OLA1: variants seen among roughly 807,000 people sequenced by gnomAD.
OLA1 encodes the protein Obg like ATPase 1.
A neutral mutation model predicts 48.4 loss-of-function variants in OLA1; 14 were observed. That is an observed-to-expected ratio of 0.29 (90% confidence interval 0.19 to 0.45). OLA1 has a LOEUF of 0.45. Ranked by LOEUF, OLA1 falls within the 20% of genes least tolerant of loss-of-function variation. The probability of loss-of-function intolerance (pLI) is 1.00; values close to 1 mark genes in which losing one functional copy is unlikely to be tolerated. For synonymous variants in OLA1, 127 were observed against 150.4 expected, an observed-to-expected ratio of 0.84 and a Z score of 1.14; for missense variants, 325 against 467.1, an observed-to-expected ratio of 0.70 and a Z score of 2.80.
chr2:174,188,152 T>C (rs1000047476), intron 4 of OLA1, among the ~76,000 whole-genome samples: 4 of 152,134 alleles, frequency 2.6e-5, no homozygotes, highest in African/African-American at 9.7e-5. Flanking sequence ...AAATGTGTGA[T>C]GGGCTTATAG....
At chr2:174,240,095 T>C (rs1341777204) in intron 2 of OLA1, 1 of 152,156 alleles carries the variant, frequency 6.6e-6, no homozygotes, top group African/African-American at 2.4e-5. Context: ...TTTGCAACTG[T>C]GAGTTTTTTT....
At chr2:174,228,535 T>C (rs1453070186) in intron 3 of OLA1, among the ~76,000 whole-genome samples, 1 of 152,176 alleles carries the variant, frequency 6.6e-6, no homozygotes, top group East Asian at 1.9e-4. Context: ...TTCCCTACTG[T>C]CTGAACTTCC....
At chr2:174,244,428 T>C (rs1333210627) in intron 2 of OLA1, among the ~76,000 whole-genome samples, 1 of 152,206 alleles carries the variant, frequency 6.6e-6, no homozygotes, top group Non-Finnish European at 1.5e-5. Flanking sequence ...TCCACGTACA[T>C]TAATTTCATT....
intron 7 of OLA1, among the ~76,000 whole-genome samples, chr2:174,096,303 C>T (rs1185567655): frequency 1.3e-5 from 2 of 152,084 alleles, no homozygotes; most frequent in Non-Finnish European, 2.9e-5. Flanking sequence ...TGTTAATAGG[C>T]ATGGGTTTCA....
chr2:174,155,855 G>A lies in OLA1; in HGVS notation c.374-13855C>T, dbSNP rs1335159993. Among the ~76,000 whole-genome samples the A allele has an allele frequency of 3.3e-5, 5 of 152,228 alleles. No individual in the cohort carries two copies. In the East Asian group the frequency reaches 5.8e-4, roughly 18 times the overall value. On this transcript the variant is annotated intron_variant, in intron 4 of 10. Transcript: ENST00000284719. ...CAGGGACAGATATTTGCAAAGGGAC[G>A]CAGAGAGTAAAGAAGAAATTCCAGC...
chr2:174,081,068 A>G, intron 9 of OLA1, 84 bp downstream of exon 9: 2 of 1,165,082 alleles, frequency 1.7e-6, no homozygotes, highest in Non-Finnish European at 2.6e-6. Flanking sequence ...AACCGCCACC[A>G]TGACAAACTT....
chr2:174,177,977 G>C (rs755959489), intron 4 of OLA1, among the ~76,000 whole-genome samples: 40 of 151,968 alleles, frequency 2.6e-4, no homozygotes, highest in Non-Finnish European at 5.0e-4. Context: ...TTTACAAAAA[G>C]TTGTTGACTT....
At chr2:174,104,719 A>G (rs770103774) in intron 7 of OLA1, among the ~76,000 whole-genome samples, 1 of 152,082 alleles carries the variant, frequency 6.6e-6, no homozygotes, top group Admixed American at 6.6e-5. Flanking sequence ...AAATTTAAGC[A>G]GTTTGAAGCA....
In OLA1 at chr2:174,240,806, A is replaced by T. The variant is rs1390345263; in HGVS notation, c.101+5909T>A. On this transcript the variant is annotated intron_variant, in intron 2 of 10. Coordinates refer to ENST00000284719, the MANE Select transcript of OLA1 (RefSeq NM_013341.5). ...TCCTGTGAGTTCCTTTGAGCAATCA[A>T]GAATGGAGCTTCTAAAACACAAGTG... Among the ~76,000 whole-genome samples, 5 of 152,216 alleles carry T rather than the reference A, an allele frequency of 3.3e-5. No homozygotes were observed. The East Asian group carries it at 9.6e-4, about 29-fold the overall frequency.
intron 4 of OLA1, among the ~76,000 whole-genome samples, chr2:174,147,239 C>G (rs1170792306): frequency 6.6e-6 from 1 of 152,004 alleles, no homozygotes; most frequent in Non-Finnish European, 1.5e-5. Flanking sequence ...CCAGCCTGAC[C>G]GACATGGAGA....
chr2:174,108,017 TTC>T, intron 7 of OLA1, among the ~76,000 whole-genome samples: 1 of 152,244 alleles, frequency 6.6e-6, no homozygotes, highest in Non-Finnish European at 1.5e-5. Flanking sequence ...ATTATCTCTT[TTC>T]AAAATTTCTA....
chr2:174,175,853 C>T (rs1006792280), intron 4 of OLA1, among the ~76,000 whole-genome samples: 1 of 151,904 alleles, frequency 6.6e-6, no homozygotes, highest in Non-Finnish European at 1.5e-5. Flanking sequence ...TTAAAGGCTA[C>T]ATAGTAATAA....
At chr2:174,234,143 T>C (rs1688795729) in intron 2 of OLA1, among the ~76,000 whole-genome samples, 2 of 152,052 alleles carry the variant, frequency 1.3e-5, no homozygotes. Flanking sequence ...CTCAACCCAC[T>C]CAACATGAAG....
intron 4 of OLA1, among the ~76,000 whole-genome samples, chr2:174,158,249 C>T (rs907724701): frequency 6.6e-6 from 1 of 152,194 alleles, no homozygotes. Flanking sequence ...TGTGACACCC[C>T]TTATTCCCCT....
chr2:174,077,675 A>G (rs2105337073), intron 10 of OLA1, among the ~76,000 whole-genome samples: 1 of 152,136 alleles, frequency 6.6e-6, no homozygotes, highest in East Asian at 1.9e-4. Flanking sequence ...TAAAGGAAAT[A>G]TTTACAATTC....
chr2:174,181,160 A>G (rs1687524761), intron 4 of OLA1, among the ~76,000 whole-genome samples: 1 of 152,228 alleles, frequency 6.6e-6, no homozygotes. Flanking sequence ...ATACTTAATC[A>G]GAGAAAACTA....
intron 4 of OLA1, among the ~76,000 whole-genome samples, chr2:174,188,705 C>G (rs1234172906): frequency 1.3e-5 from 2 of 152,094 alleles, no homozygotes; most frequent in Admixed American, 1.3e-4. Context: ...GATACTGACA[C>G]CTTTGCTTTC....
intron 3 of OLA1, among the ~76,000 whole-genome samples, chr2:174,225,551 A>G (rs1688598771): frequency 6.6e-6 from 1 of 151,158 alleles, no homozygotes; most frequent in Non-Finnish European, 1.5e-5. Flanking sequence ...CTCCCTCTCA[A>G]AAAAAAAAGC....
At chr2:174,093,885 T>G (rs1685184432) in intron 7 of OLA1, among the ~76,000 whole-genome samples, 1 of 152,266 alleles carries the variant, frequency 6.6e-6, no homozygotes, top group Admixed American at 6.5e-5. Flanking sequence ...TAGGCTGATG[T>G]AGTTTATAAT....
Sources: gnomAD v4.1 joint callset for allele counts (sites outside exome capture counted in the v4.1 genomes callset) on GRCh38, gnomAD v4.1.1 for gene constraint, MANE v1.5 for transcripts, NCBI Gene and HGNC (gene_info 2026-07-23, HGNC 2026-07-21) for gene names.